The following RIMBP2 variants were observed in gnomAD, a reference collection of about 807,000 sequenced individuals.
RIMBP2 encodes RIMS binding protein 2, also known as RIMS-binding protein 2.
In RIMBP2, 48 loss-of-function variants were observed where a neutral mutation model predicts 118.6. The ratio of observed to expected loss-of-function variants is 0.40; its 90% CI spans 0.32 to 0.51. The LOEUF is 0.51. Ranked by LOEUF, RIMBP2 falls within the 20% of genes least tolerant of loss-of-function variation. RIMBP2 has a pLI of 0.41. For synonymous variants in RIMBP2, 762 were observed against 742.9 expected, an observed-to-expected ratio of 1.03 and a Z score of -0.42; for missense variants, 1,551 against 1,768.3, an observed-to-expected ratio of 0.88 and a Z score of 2.20.
chr12:130,613,492 C>T (rs142774773), intron 2 of RIMBP2, among the ~76,000 whole-genome samples: 5 of 152,240 alleles, frequency 3.3e-5, no homozygotes, highest in Admixed American at 6.5e-5. Flanking sequence ...GCAGGGAACG[C>T]CCAGCACAGA....
chr12:130,593,376 C>T (rs1316794502), intron 2 of RIMBP2, among the ~76,000 whole-genome samples: 1 of 152,242 alleles, frequency 6.6e-6, no homozygotes, highest in Non-Finnish European at 1.5e-5. Context: ...AGGCACAGTG[C>T]CCCGCACAGG....
At position 130,456,761 on chromosome 12, in the gene RIMBP2, C is replaced by T. The variant is rs74908304; in HGVS notation, c.154-61G>A. 1,369 of 1,291,120 alleles carry T rather than the reference C, an allele frequency of 1.1e-3. 18 individuals carry two copies. The African/African-American group carries it at 0.018, about 17-fold the overall frequency. 80.0% of individuals were successfully genotyped at this position (1,291,120 alleles called of 1,614,324 possible). A position where few individuals can be genotyped will look rare whatever the true frequency, so the allele number is the denominator to read the frequency against. On this transcript the variant is annotated intron_variant, in intron 6 of 22. Transcript: ENST00000690449. ...GCATTTGGTGGTGGAAATGTGTGTG[C>T]GCCTGTTCACATGTGTTGTACGTGT...
rs148014868 is a variant in RIMBP2, at chr12:130,709,008, A to C, written c.-352+7214T>G. On this transcript the variant is annotated intron_variant, in intron 1 of 22. Coordinates refer to ENST00000690449, the MANE Select transcript of RIMBP2 (RefSeq NM_001393629.1). ...TGTCTCATCTGTAAAATGGGTCTAC[A>C]TGAGCAACAGGGCCTGCCGCAGAAG... Among the ~76,000 whole-genome samples, 16 of 152,370 alleles carry C rather than the reference A, an allele frequency of 1.1e-4. No homozygotes were observed. In the East Asian group the frequency reaches 2.9e-3, roughly 28 times the overall value.
rs200334790 is a variant in RIMBP2 at position 130,606,178 on chromosome 12, T to TA, written c.-217+22143dup. 5.2e-3 allele frequency among the ~76,000 whole-genome samples: 787 copies of TA among 151,934 alleles called. 3 individuals are homozygous for TA. Among genetic ancestry groups the TA allele is most frequent in the African/African-American group, 0.014 (588 of 41,418 alleles). ...AACTGGAAGTAAATATGGTAAAAAA[T>TA]AAAAAATAAAAAAAGATTGGCCCTG... On this transcript the variant is annotated intron_variant, in intron 2 of 22. Coordinates refer to ENST00000690449, the MANE Select transcript of RIMBP2 (RefSeq NM_001393629.1).
intron 1 of RIMBP2, among the ~76,000 whole-genome samples, chr12:130,661,842 A>G (rs2063678197): frequency 6.6e-6 from 1 of 152,150 alleles, no homozygotes; most frequent in Non-Finnish European, 1.5e-5. Context: ...CCCCTTCATG[A>G]GTATGCATCT....
At position 130,413,640 on chromosome 12, in the gene RIMBP2, A is replaced by C. The variant is rs1284857327; in HGVS notation, c.3420+485T>G. On this transcript the variant is annotated intron_variant, in intron 18 of 22. Coordinates refer to ENST00000690449, the MANE Select transcript of RIMBP2 (RefSeq NM_001393629.1). Reference sequence around the variant, plus strand: ...AGAGCAAGACTCTGTCTCAAAAAAAAAAAAAAAAAAAAAAAAGGAACTGGG... The same window carrying C: ...AGAGCAAGACTCTGTCTCAAAAAAACAAAAAAAAAAAAAAAAGGAACTGGG... Among the ~76,000 whole-genome samples the C allele has an allele frequency of 2.7e-5, 4 of 150,450 alleles. No individual in the cohort carries two copies. The East Asian group carries it at 7.8e-4, about 29-fold the overall frequency.
intron 12 of RIMBP2, 30 bp downstream of exon 12, chr12:130,438,335 A>ACGGGGCC: frequency 2.3e-6 from 2 of 865,012 alleles, no homozygotes; most frequent in Non-Finnish European, 3.8e-6. Context: ...GGCCTAACAA[A>ACGGGGCC]CCCTCCCCAC....
intron 2 of RIMBP2, among the ~76,000 whole-genome samples, chr12:130,588,953 G>A (rs962686799): frequency 1.3e-5 from 2 of 152,220 alleles, no homozygotes; most frequent in Non-Finnish European, 2.9e-5. Flanking sequence ...GATGGAATCA[G>A]GAATTCCTTA....
rs148181592 is a variant in RIMBP2 at position 130,516,729 on chromosome 12, T to C, written c.-127+1099A>G. On this transcript the variant is annotated intron_variant, in intron 3 of 22. Transcript: ENST00000690449. ...CCAAGGAACAAAAGTAAGTCAGAGG[T>C]GGACGAGAGGTAGCAAGATGGACAG... 4.5e-4 allele frequency among the ~76,000 whole-genome samples: 69 copies of C among 151,862 alleles called. 1 individual carries two copies. The highest frequency in any genetic ancestry group is 1.5e-3 in the African/African-American group (63 of 41,380).
At chr12:130,687,786 A>C (rs1450551270) in intron 1 of RIMBP2, among the ~76,000 whole-genome samples, 1 of 152,192 alleles carries the variant, frequency 6.6e-6, no homozygotes, top group Non-Finnish European at 1.5e-5. Flanking sequence ...TTACTAAGAA[A>C]GTATAATAAT....
At chr12:130,587,152 T>C (rs2058942863) in intron 2 of RIMBP2, among the ~76,000 whole-genome samples, 1 of 151,074 alleles carries the variant, frequency 6.6e-6, no homozygotes, top group Non-Finnish European at 1.5e-5. Flanking sequence ...CCAGTTAGAA[T>C]GGTGATCATT....
rs1361357400 is a variant in RIMBP2, at chr12:130,419,128, C to T, written c.3238+3325G>A. ...CGACAGGGAAAGAGTAGCAGCCTCC[C>T]TGGAATGTGTCCATGGAAACTTGGC... On this transcript the variant is annotated intron_variant, in intron 17 of 22. Transcript: ENST00000690449. This position sits in a 1 kb window ranked among gnomAD's most constrained non-coding sequence, Gnocchi z 4.3. Among the ~76,000 whole-genome samples, 8 of 152,194 alleles carry T rather than the reference C, an allele frequency of 5.3e-5. No individual in the cohort carries two copies. The highest frequency in any genetic ancestry group is 1.9e-4 in the African/African-American group (8 of 41,442).
At chr12:130,495,157 C>T (rs762623654) in intron 4 of RIMBP2, among the ~76,000 whole-genome samples, 6 of 152,210 alleles carry the variant, frequency 3.9e-5, no homozygotes, top group Non-Finnish European at 7.3e-5. Flanking sequence ...GTCATATTCA[C>T]AGATACATAG....
At chr12:130,671,937 T>C (rs1400677390) in intron 1 of RIMBP2, among the ~76,000 whole-genome samples, 2 of 152,120 alleles carry the variant, frequency 1.3e-5, no homozygotes, top group Non-Finnish European at 2.9e-5. Flanking sequence ...TAGAAGAAAA[T>C]TATTTATTGT....
intron 20 of RIMBP2, 108 bp downstream of exon 20, chr12:130,407,618 G>A (rs7310840): frequency 0.21 from 189,991 of 895,862 alleles, 22,264 homozygotes; most frequent in Non-Finnish European, 0.26. Flanking sequence ...CGGATGGTTC[G>A]GAGAGAAGGA....
At chr12:130,399,648 G>A (rs376193442) in intron 22 of RIMBP2, 31 bp downstream of exon 22, 30 of 1,612,514 alleles carry the variant, frequency 1.9e-5, no homozygotes, top group Non-Finnish European at 2.5e-5. Flanking sequence ...GAACGGGACA[G>A]AGATTAAAAA....
At chr12:130,494,642 AAAAAAAAAAGAAAG>A (rs1451379657) in intron 4 of RIMBP2, among the ~76,000 whole-genome samples, 1 of 134,044 alleles carries the variant, frequency 7.5e-6, no homozygotes, top group Non-Finnish European at 1.6e-5. Flanking sequence ...CTGTCTCAAA[AAAAAAAAAAGAAAG>A]AAAAGAAAAG....
rs2076489877 is a variant in RIMBP2 at position 130,422,615 on chromosome 12, G to T, written c.3130-54C>A. ...AGTCTCGCCAGCATTGGGAACTGAA[G>T]AATTCAGTTAGCCAAATCAAGCGGG... On this transcript the variant is annotated intron_variant, in intron 16 of 22. Transcript: ENST00000690449. The surrounding 1 kb of genome is among the most constrained non-coding windows in gnomAD (Gnocchi z 5.2). 3.9e-6 allele frequency: 5 copies of T among 1,273,936 alleles called. No individual in the cohort carries two copies. The highest frequency in any genetic ancestry group is 5.6e-6 in the Non-Finnish European group (5 of 897,224). The allele number at this position is 1,273,936 out of a possible 1,614,324, so 78.9% of individuals were successfully genotyped here.
chr12:130,465,687 A>G (rs1366643968), intron 6 of RIMBP2: 1 of 152,022 alleles, frequency 6.6e-6, no homozygotes, highest in Non-Finnish European at 1.5e-5. Flanking sequence ...GTTAAATATG[A>G]CTGTATTTCT....
Sources: gnomAD v4.1 joint callset for allele counts (sites outside exome capture counted in the v4.1 genomes callset) on GRCh38, gnomAD v4.1.1 for gene constraint, Gnocchi (gnomAD v3.1) non-coding constraint, MANE v1.5 for transcripts, NCBI Gene and HGNC (gene_info 2026-07-23, HGNC 2026-07-21) for gene names.